NEK1: variants seen among roughly 807,000 people sequenced by gnomAD.
NEK1 encodes the protein serine/threonine-protein kinase Nek1.
NEK1 carries 137 observed loss-of-function variants against 182.1 expected under a neutral mutation model. That is an observed-to-expected ratio of 0.75 (90% CI 0.65 to 0.87). The LOEUF (loss-of-function observed/expected upper bound fraction) is 0.87. Among genes scored for constraint, NEK1 ranks in the 40% least tolerant of loss-of-function variants. The pLI is 0.00. For missense variants in NEK1, 1,391 were observed against 1,494.4 expected (o/e 0.93, Z 1.14); for synonymous variants, 513 against 492.2 (o/e 1.04, Z -0.56).
At chr4:169,521,843 C>T (rs531315147) in intron 19 of NEK1, among the ~76,000 whole-genome samples, 1 of 152,254 alleles carries the variant, frequency 6.6e-6, no homozygotes, top group East Asian at 1.9e-4. Flanking sequence ...ATTTCTCTCT[C>T]CCATTTTTCA....
chr4:169,453,378 A>C (rs1742211976), intron 27 of NEK1, among the ~76,000 whole-genome samples: 1 of 152,258 alleles, frequency 6.6e-6, no homozygotes, highest in Non-Finnish European at 1.5e-5. Context: ...CAAAAGAACA[A>C]ACCTGGAGGC....
intron 26 of NEK1, among the ~76,000 whole-genome samples, chr4:169,476,898 G>T (rs1037099333): frequency 4.6e-5 from 7 of 152,074 alleles, no homozygotes; most frequent in African/African-American, 1.7e-4. Context: ...ATACACTTTT[G>T]TAATAAAAAT....
At chr4:169,432,792 ATTT>A (rs1393124738) in intron 29 of NEK1, among the ~76,000 whole-genome samples, 1 of 152,160 alleles carries the variant, frequency 6.6e-6, no homozygotes, top group East Asian at 1.9e-4. Context: ...TAATTAATTA[ATTT>A]GAGTTGGAGA....
At chr4:169,569,351 A>G (rs1179875199) in intron 12 of NEK1, among the ~76,000 whole-genome samples, 1 of 152,174 alleles carries the variant, frequency 6.6e-6, no homozygotes, top group African/African-American at 2.4e-5. Flanking sequence ...CATGCATACA[A>G]TGTGTAATGA....
chr4:169,609,433 A>T (rs1230767908), intron 2 of NEK1, among the ~76,000 whole-genome samples: 1 of 152,236 alleles, frequency 6.6e-6, no homozygotes, highest in Non-Finnish European at 1.5e-5. Flanking sequence ...AATAGAGCAA[A>T]ATGTAATCAT....
chr4:169,426,733 T>TA, intron 29 of NEK1, among the ~76,000 whole-genome samples: 1 of 152,236 alleles, frequency 6.6e-6, no homozygotes, highest in East Asian at 1.9e-4. Context: ...ATGCAGCTGT[T>TA]AAAAAATGAA....
intron 19 of NEK1, among the ~76,000 whole-genome samples, chr4:169,509,195 C>T (rs945476517): frequency 6.6e-6 from 1 of 152,108 alleles, no homozygotes; most frequent in South Asian, 2.1e-4. Context: ...CCTCTACAAA[C>T]AGCCAATCCA....
intron 31 of NEK1, among the ~76,000 whole-genome samples, chr4:169,415,477 T>G (rs1734386884): frequency 6.6e-6 from 1 of 152,254 alleles, no homozygotes; most frequent in African/African-American, 2.4e-5. Flanking sequence ...TTTATAATTC[T>G]CTTTTCATTT....
At chr4:169,552,803 T>C (rs769513362) in intron 18 of NEK1, among the ~76,000 whole-genome samples, 10 of 152,266 alleles carry the variant, frequency 6.6e-5, no homozygotes, top group Non-Finnish European at 1.2e-4. Flanking sequence ...AAGGAACAAG[T>C]AGAATTTGAA....
In NEK1 at chr4:169,453,043, G is replaced by C. The variant is rs370382057; in HGVS notation, c.2587+10200C>G. Among the ~76,000 whole-genome samples the C allele has an allele frequency of 3.8e-4, 58 of 152,250 alleles. 2 individuals are homozygous for C. The South Asian group carries it at 0.012, about 32-fold the overall frequency. On this transcript the variant is annotated intron_variant, in intron 27 of 35. Coordinates refer to ENST00000507142, the MANE Select transcript of NEK1 (RefSeq NM_001199397.3). ...ACAGACACACACAGAGCCAAATCAT[G>C]AGTGAACTCCCATTCACAATAGCTA...
At chr4:169,529,307 AAAG>A (rs1361828189) in intron 19 of NEK1, among the ~76,000 whole-genome samples, 1 of 152,128 alleles carries the variant, frequency 6.6e-6, no homozygotes, top group Non-Finnish European at 1.5e-5. Context: ...AAAACAAAAA[AAAG>A]AGCAAAATAG....
At chr4:169,544,042 G>T (rs1759929915) in intron 18 of NEK1, among the ~76,000 whole-genome samples, 1 of 152,172 alleles carries the variant, frequency 6.6e-6, no homozygotes, top group African/African-American at 2.4e-5. Flanking sequence ...TGGTGAGAGA[G>T]GGTATCCTTG....
chr4:169,484,338 G>A (rs541484835), intron 23 of NEK1, among the ~76,000 whole-genome samples: 5 of 152,160 alleles, frequency 3.3e-5, no homozygotes, highest in Non-Finnish European at 5.9e-5. Context: ...GAGCCACCGC[G>A]TTTGGCCTGC....
Position 169,433,544 on chromosome 4 carries a change from C to CTGAG in NEK1, c.2882_2885dup (p.Gln962HisfsTer6). 6.2e-7 allele frequency: 1 copy of CTGAG among 1,606,922 alleles called. No individual in the cohort carries two copies. The highest frequency in any genetic ancestry group is 1.1e-5 in the South Asian group (1 of 88,130). On this transcript the variant is annotated frameshift_variant and splice_region_variant. Transcript: ENST00000507142. LOFTEE classifies it high-confidence loss of function. Reference sequence around the variant, plus strand: ...AAAATGTCAGGAAAAGATGTACATACTGAGTTTCCTTTGTTTCTTTTTCCT... The same window carrying CTGAG: ...AAAATGTCAGGAAAAGATGTACATACTGAGTGAGTTTCCTTTGTTTCTTTTTCCT...
At chr4:169,589,645 G>T in intron 6 of NEK1, 131 bp from the exon 7 acceptor site, 1 of 585,688 alleles carries the variant, frequency 1.7e-6, no homozygotes, top group Non-Finnish European at 3.0e-6. Flanking sequence ...ACATACAAAA[G>T]AATAAATGAA....
intron 5 of NEK1, among the ~76,000 whole-genome samples, chr4:169,594,448 A>G (rs1769091815): frequency 6.6e-6 from 1 of 152,242 alleles, no homozygotes; most frequent in African/African-American, 2.4e-5. Context: ...TAACCAGAAG[A>G]AAGTAAGCTT....
At position 169,508,298 on chromosome 4, in the gene NEK1, G is replaced by C; in HGVS notation, c.1783C>G (p.Gln595Glu). ...YLARLRQIRL[Q>E]NFNERQQIKA... Reference sequence around the variant, plus strand: ...ATCTGTTGGCGCTCATTGAAATTCTGTAGTCTTATTTGCCTCAGTCTTGCC... The same window carrying C: ...ATCTGTTGGCGCTCATTGAAATTCTCTAGTCTTATTTGCCTCAGTCTTGCC... Residue 595 changes from glutamine (Q) to glutamate (E), a missense_variant, in exon 21 of 36, where the codon CAG becomes GAG. By Grantham distance (29) the Gln-to-Glu change is conservative. Transcript: ENST00000507142. 1 of 1,591,152 alleles carries C rather than the reference G, an allele frequency of 6.3e-7. No individual in the cohort carries two copies. Among genetic ancestry groups the C allele is most frequent in the Non-Finnish European group, 8.6e-7 (1 of 1,169,090 alleles).
At chr4:169,457,449 GAAAA>G (rs922800608) in intron 27 of NEK1, among the ~76,000 whole-genome samples, 2 of 148,006 alleles carry the variant, frequency 1.4e-5, no homozygotes, top group African/African-American at 5.0e-5. Context: ...AAAGACTGGA[GAAAA>G]AAAAACAGAA....
intron 29 of NEK1, among the ~76,000 whole-genome samples, chr4:169,429,733 C>T (rs1737075019): frequency 6.6e-6 from 1 of 152,158 alleles, no homozygotes; most frequent in African/African-American, 2.4e-5. Context: ...TATCGATGCC[C>T]TGTAACTCCT....
Sources: allele counts gnomAD v4.1 joint callset (sites outside exome capture counted in the v4.1 genomes callset), GRCh38; gene constraint gnomAD v4.1.1; transcripts MANE v1.5; gene names NCBI Gene and HGNC (gene_info 2026-07-23, HGNC 2026-07-21).